TRIM67: variants seen among roughly 807,000 people sequenced by gnomAD.
TRIM67 encodes the protein tripartite motif-containing protein 67.
TRIM67 carries 39 observed loss-of-function variants against 71.0 expected under a neutral mutation model. The observed-to-expected ratio is 0.55, with a 90% CI of 0.43 to 0.72. The LOEUF is 0.72. Ranked by LOEUF, TRIM67 falls within the 30% of genes least tolerant of loss-of-function variation. TRIM67 has a pLI of 0.00. For missense variants in TRIM67, 973 were observed against 1,079.2 expected, an observed-to-expected ratio of 0.90 and a Z score of 1.38; for synonymous variants, 481 against 473.9, an observed-to-expected ratio of 1.01 and a Z score of -0.19.
At position 231,187,667 on chromosome 1, in the gene TRIM67, G is replaced by C. The variant is rs186927890; in HGVS notation, c.1045-9704G>C. 5.6e-4 allele frequency: 628 copies of C among 1,120,596 alleles called. 3 individuals carry two copies. Among genetic ancestry groups the C allele is most frequent in the Non-Finnish European group, 1.3e-4 (101 of 797,714 alleles). The allele number at this position is 1,120,596 out of a possible 1,614,324, so 69.4% of individuals were successfully genotyped here. ...CCATCTCTACTGTCTCCCAAGTGGG[G>C]CATCAAACTGCAGGAGGCGGAGTGG... On this transcript the variant is annotated intron_variant, in intron 1 of 9. Coordinates refer to ENST00000366653, the MANE Select transcript of TRIM67 (RefSeq NM_001004342.5).
At chr1:231,215,246 GC>G (rs1312765040) in intron 9 of TRIM67, 128 bp from the exon 10 acceptor site, 22 of 1,378,970 alleles carry the variant, frequency 1.6e-5, no homozygotes, top group African/African-American at 2.9e-5. Flanking sequence ...GTCCACAGCA[GC>G]CCTGAGCTAT....
intron 1 of TRIM67, among the ~76,000 whole-genome samples, chr1:231,171,693 G>C (rs907249264): frequency 6.6e-6 from 1 of 152,142 alleles, no homozygotes; most frequent in African/African-American, 2.4e-5. Flanking sequence ...TCTAGGGTCT[G>C]CTGTTTTCTA....
chr1:231,200,294 C>T (rs1044766866), intron 4 of TRIM67, 36 bp downstream of exon 4: 1 of 1,402,856 alleles, frequency 7.1e-7, no homozygotes, highest in Non-Finnish European at 1.0e-6. Flanking sequence ...AGTGGGCTTC[C>T]TCCAACTGTC....
chr1:231,216,457 T>A lies in TRIM67; in HGVS notation c.*1017T>A, dbSNP rs1218226075. 4 of 985,380 alleles carry A rather than the reference T, an allele frequency of 4.1e-6. No individual in the cohort carries two copies. Among genetic ancestry groups the A allele is most frequent in the Non-Finnish European group, 4.8e-6 (4 of 829,964 alleles). The allele number at this position is 985,380 out of a possible 1,614,324, so 61.0% of individuals were successfully genotyped here. Reference sequence around the variant, plus strand: ...GCCCAAGAAGTTAACTGAAAATGCATCCAGATTGCTCTTCTGAGCTGAACC... The same window carrying A: ...GCCCAAGAAGTTAACTGAAAATGCAACCAGATTGCTCTTCTGAGCTGAACC... On this transcript the variant is annotated 3_prime_UTR_variant, in exon 10 of 10. Transcript: ENST00000366653.
intron 1 of TRIM67, among the ~76,000 whole-genome samples, chr1:231,165,529 A>G (rs140796632): frequency 2.6e-5 from 4 of 152,356 alleles, no homozygotes; most frequent in African/African-American, 9.6e-5. Context: ...GGGAAGTAGC[A>G]AAGAGTGCTT....
At chr1:231,206,600 G>A in intron 6 of TRIM67, 52 bp from the exon 7 acceptor site, 1 of 1,486,808 alleles carries the variant, frequency 6.7e-7, no homozygotes. Context: ...TTTGCTAAGA[G>A]GAGCTTTCCA....
chr1:231,201,590 G>A (rs1245586627), intron 5 of TRIM67, 73 bp downstream of exon 5: 2 of 1,516,992 alleles, frequency 1.3e-6, no homozygotes, highest in Non-Finnish European at 1.8e-6. Flanking sequence ...GGCCAGCTCG[G>A]TGCCATAGGG....
intron 3 of TRIM67, among the ~76,000 whole-genome samples, chr1:231,199,411 C>T (rs925886491): frequency 6.6e-6 from 1 of 152,200 alleles, no homozygotes; most frequent in South Asian, 2.1e-4. Flanking sequence ...CCCTCTCCCT[C>T]CCTGTTTCTG....
At position 231,169,993 on chromosome 1, in the gene TRIM67, C is replaced by CTTTTTTTTTTTTTTTTTTTTTTTTT. The variant is rs369558747; in HGVS notation, c.1044+5990_1044+5991insTTTTTTTTTTTTTTTTTTTTTTTTT. On this transcript the variant is annotated intron_variant, in intron 1 of 9. Transcript: ENST00000366653. ...CTTTAAAATGTTTTTTTCTTTCTCT[C>CTTTTTTTTTTTTTTTTTTTTTTTTT]TTTTTTTTTTGAGTTGGAGTTTCAC... is the stretch of plus-strand genomic sequence containing the variant. Among the ~76,000 whole-genome samples, 80 of 136,082 alleles carry CTTTTTTTTTTTTTTTTTTTTTTTTT rather than the reference C, an allele frequency of 5.9e-4. 5 individuals are homozygous for CTTTTTTTTTTTTTTTTTTTTTTTTT. The highest frequency in any genetic ancestry group is 2.1e-3 in the African/African-American group (64 of 30,924). 89.3% of individuals were successfully genotyped at this position (136,082 alleles called of 152,430 possible).
rs1683995175 is a variant in TRIM67, at chr1:231,215,602, G to A, written c.*162G>A. The A allele has an allele frequency of 7.1e-7, 1 of 1,416,866 alleles. No individual in the cohort carries two copies. Among genetic ancestry groups the A allele is most frequent in the African/African-American group, 1.4e-5 (1 of 69,926 alleles). 87.8% of individuals were successfully genotyped at this position (1,416,866 alleles called of 1,614,324 possible). On this transcript the variant is annotated 3_prime_UTR_variant, in exon 10 of 10. Transcript: ENST00000366653. The stretch of plus-strand genomic sequence containing the variant: ...AGAAACACATTTTCTTGGGGACGCA[G>A]GGAATGGGTCCACGGGCCATGCTCA...
chr1:231,206,551 G>T, intron 6 of TRIM67, 101 bp from the exon 7 acceptor site: 1 of 1,264,252 alleles, frequency 7.9e-7, no homozygotes, highest in Non-Finnish European at 1.1e-6. Flanking sequence ...ACTACACCTG[G>T]CAACAGCACT....
chr1:231,208,877 CT>C, intron 7 of TRIM67, 69 bp from the exon 8 acceptor site: 7 of 1,459,734 alleles, frequency 4.8e-6, no homozygotes, highest in Non-Finnish European at 4.6e-6. Flanking sequence ...GTTTGTGTCT[CT>C]GAGCCGGTTA....
At chr1:231,172,711 G>T (rs1001544431) in intron 1 of TRIM67, among the ~76,000 whole-genome samples, 1 of 152,184 alleles carries the variant, frequency 6.6e-6, no homozygotes, top group African/African-American at 2.4e-5. Context: ...ATTAGGTCAA[G>T]GTTGTGTTAG....
At chr1:231,211,031 A>ATATATATAT (rs55840623) in intron 8 of TRIM67, among the ~76,000 whole-genome samples, 1 of 127,232 alleles carries the variant, frequency 7.9e-6, no homozygotes, top group African/African-American at 2.8e-5. Flanking sequence ...AAAAAAAAAA[A>ATATATATAT]ATATATATAT....
intron 1 of TRIM67, among the ~76,000 whole-genome samples, chr1:231,173,151 A>G (rs765239770): frequency 1.3e-4 from 20 of 152,246 alleles, no homozygotes; most frequent in Non-Finnish European, 2.4e-4. Context: ...CAAAGAACAT[A>G]AATCTAGTCA....
chr1:231,163,602 C>A lies in TRIM67; in HGVS notation c.633C>A (p.Cys211Ter). 6.6e-7 allele frequency: 1 copy of A among 1,516,862 alleles called. No individual in the cohort carries two copies. Among genetic ancestry groups the A allele is most frequent in the Non-Finnish European group, 8.8e-7 (1 of 1,136,780 alleles). The allele number at this position is 1,516,862 out of a possible 1,614,324, so 94.0% of individuals were successfully genotyped here. ...CGGCGGTGGCCATCTGCCAGCTGTG[C>A]GACCGCACCCCGCCAGAGCCAGCAG... ...AAAAVAICQL[C>*]DRTPPEPAAT... Residue 211 changes from cysteine (C) to a stop codon, truncating the protein, a stop_gained, in exon 1 of 10, where the codon TGC becomes TGA. Transcript: ENST00000366653. LOFTEE classifies it high-confidence loss of function.
rs1476126310 is a variant in TRIM67, at chr1:231,221,011, G to GT, written c.*5571_*5572insT. 6.6e-6 allele frequency: 1 copy of GT among 152,294 alleles called. No homozygotes were observed. The highest frequency in any genetic ancestry group is 6.5e-5 in the Admixed American group (1 of 15,286). 9.4% of individuals were successfully genotyped at this position (152,294 alleles called of 1,614,324 possible). On this transcript the variant is annotated 3_prime_UTR_variant, in exon 10 of 10. Coordinates refer to ENST00000366653, the MANE Select transcript of TRIM67 (RefSeq NM_001004342.5). ...GCCTCTCCAACTCCTCCTAGCCCTGGAAACCAGACACCCAGAGCCCCAGGC... is the reference window on the plus strand; with the variant it reads ...GCCTCTCCAACTCCTCCTAGCCCTGGTAAACCAGACACCCAGAGCCCCAGGC...
Position 231,163,227 on chromosome 1 carries a change from C to A in TRIM67, c.258C>A (p.Gly86=), listed in dbSNP as rs1015292681. 8.7e-6 allele frequency: 13 copies of A among 1,492,916 alleles called. No individual in the cohort carries two copies. The highest frequency in any genetic ancestry group is 1.2e-5 in the Non-Finnish European group (13 of 1,121,598). The allele number at this position is 1,492,916 out of a possible 1,614,324, so 92.5% of individuals were successfully genotyped here. ...ACGGAGGSAA[G]GLGGGAGGGG... is the part of the protein sequence containing the mutation. ...GCGGTGCAGGCGGGAGTGCAGCTGGCGGCCTCGGCGGCGGTGCGGGAGGTG... is the reference window on the plus strand; with the variant it reads ...GCGGTGCAGGCGGGAGTGCAGCTGGAGGCCTCGGCGGCGGTGCGGGAGGTG... Residue 86 remains glycine (G), a synonymous_variant, in exon 1 of 10, where the codon GGC becomes GGA. Transcript: ENST00000366653.
At chr1:231,183,995 C>T (rs1357090831) in intron 1 of TRIM67, 1 of 152,146 alleles carries the variant, frequency 6.6e-6, no homozygotes, top group African/African-American at 2.4e-5. Context: ...GAACAAACAC[C>T]CATCTCTCCA....
Sources: gnomAD v4.1 joint callset for allele counts (sites outside exome capture counted in the v4.1 genomes callset) on GRCh38, gnomAD v4.1.1 for gene constraint, MANE v1.5 for transcripts, NCBI Gene and HGNC (gene_info 2026-07-23, HGNC 2026-07-21) for gene names.